JAG2: variants seen among roughly 807,000 people sequenced by gnomAD.
JAG2 encodes jagged canonical Notch ligand 2.
In JAG2, 46 loss-of-function variants were observed where a neutral mutation model predicts 141.7. The observed-to-expected ratio is 0.32, with a 90% confidence interval of 0.26 to 0.42. The LOEUF (loss-of-function observed/expected upper bound fraction) is 0.42. Ranked by LOEUF, JAG2 falls within the 10% of genes least tolerant of loss-of-function variation. The probability of loss-of-function intolerance (pLI) is 1.00; values close to 1 mark genes in which losing one functional copy is unlikely to be tolerated. For synonymous variants in JAG2, 862 were observed against 763.5 expected (o/e 1.13, Z -2.13); for missense variants, 1,500 against 1,817.5 (o/e 0.83, Z 3.18).
rs587692893 is a variant in JAG2 at position 105,147,602 on chromosome 14, G to A, written c.2366-75C>T. ...TGCCAGGCACTGTCCAGGCTGGCTT[G>A]GCGTGATCAGGCTGTGGGGCTGGGG... On this transcript the variant is annotated intron_variant, in intron 18 of 25. Transcript: ENST00000331782. 2.1e-5 allele frequency: 30 copies of A among 1,462,550 alleles called. No homozygotes were observed. The South Asian group carries it at 3.2e-4, about 16-fold the overall frequency. The allele number at this position is 1,462,550 out of a possible 1,614,324, so 90.6% of individuals were successfully genotyped here. A position where few individuals can be genotyped will look rare whatever the true frequency, so the allele number is the denominator to read the frequency against.
chr14:105,151,209 C>A, intron 9 of JAG2, 74 bp downstream of exon 9: 1 of 1,466,022 alleles, frequency 6.8e-7, no homozygotes, highest in African/African-American at 1.5e-5. Flanking sequence ...GCCCCAGCAG[C>A]CCCCGCAGCC....
rs1888953696 is a variant in JAG2 at position 105,167,494 on chromosome 14, C to A, written c.417+263G>T. On this transcript the variant is annotated intron_variant, in intron 2 of 25. Coordinates refer to ENST00000331782, the MANE Select transcript of JAG2 (RefSeq NM_002226.5). This position sits in a 1 kb window ranked among gnomAD's most constrained non-coding sequence, Gnocchi z 4.8. ...ACGCGCAGGGCGACGCAGGCACACGCCGCACACCGCCGCGCACGCGGGACG... is the reference window on the plus strand; with the variant it reads ...ACGCGCAGGGCGACGCAGGCACACGACGCACACCGCCGCGCACGCGGGACG... Among the ~76,000 whole-genome samples the A allele has an allele frequency of 6.7e-6, 1 of 150,148 alleles. No individual in the cohort carries two copies. Among genetic ancestry groups the A allele is most frequent in the Non-Finnish European group, 1.5e-5 (1 of 67,360 alleles).
In JAG2 at chr14:105,143,774, C is replaced by T. The variant is rs920846796; in HGVS notation, c.3085-136G>A. On this transcript the variant is annotated intron_variant, in intron 24 of 25. Coordinates refer to ENST00000331782, the MANE Select transcript of JAG2 (RefSeq NM_002226.5). ...ACGAGAGCCCGGGGTCCTGCAGTGGCGACTTCACCACCAGGCAGTGAGTGG... is the reference window on the plus strand; with the variant it reads ...ACGAGAGCCCGGGGTCCTGCAGTGGTGACTTCACCACCAGGCAGTGAGTGG... 14 of 992,820 alleles carry T rather than the reference C, an allele frequency of 1.4e-5. No individual in the cohort carries two copies. In the African/African-American group the frequency reaches 1.4e-4, roughly 10 times the overall value. The allele number at this position is 992,820 out of a possible 1,614,324, so 61.5% of individuals were successfully genotyped here.
intron 24 of JAG2, among the ~76,000 whole-genome samples, chr14:105,144,369 C>T (rs587723072): frequency 3.3e-5 from 5 of 152,222 alleles, no homozygotes; most frequent in South Asian, 4.1e-4. Context: ...ACCCCCTCTG[C>T]GGCCTCAGGG....
intron 2 of JAG2, among the ~76,000 whole-genome samples, chr14:105,160,525 C>T (rs1056950466): frequency 3.3e-5 from 5 of 151,698 alleles, no homozygotes; most frequent in Non-Finnish European, 7.4e-5. Flanking sequence ...CTATAGCCAG[C>T]GGGGCTCGGG....
intron 2 of JAG2, among the ~76,000 whole-genome samples, chr14:105,163,454 A>C (rs1193387711): frequency 1.3e-5 from 2 of 152,132 alleles, no homozygotes; most frequent in Non-Finnish European, 2.9e-5. Context: ...AGACGGTGGC[A>C]GCCAGGGCCG....
chr14:105,168,444 G>A lies in JAG2; in HGVS notation c.-24C>T, dbSNP rs1039388653. 9 of 710,318 alleles carry A rather than the reference G, an allele frequency of 1.3e-5. No homozygotes were observed. In the African/African-American group the frequency reaches 1.6e-4, roughly 12 times the overall value. The allele number at this position is 710,318 out of a possible 1,614,324, so 44.0% of individuals were successfully genotyped here. ...ATTGCCCCCGCGACCCGCCCGCCCG[G>A]CCCCGCCGCCGCCGCCCGCGCCCGG... On this transcript the variant is annotated 5_prime_UTR_variant, in exon 1 of 26. Coordinates refer to ENST00000331782, the MANE Select transcript of JAG2 (RefSeq NM_002226.5).
At chr14:105,146,906 C>T (rs1463828538) in intron 20 of JAG2, 182 bp from the exon 21 acceptor site, 7 of 676,778 alleles carry the variant, frequency 1.0e-5, no homozygotes, top group African/African-American at 1.8e-5. Flanking sequence ...CAGCCTGACC[C>T]TGGCCCAACA....
At position 105,152,219 on chromosome 14, in the gene JAG2, A is replaced by G. The variant is rs368235598; in HGVS notation, c.861T>C (p.Cys287=). ...CACAGTTGCACTGCCAGGGCTCCAC[A>G]CAACTGCCATGCACGCAGCCGGGGT... is the stretch of plus-strand genomic sequence containing the variant. ...VPYPGCVHGS[C]VEPWQCNCET... Residue 287 remains cysteine (C), a synonymous_variant, in exon 6 of 26, where the codon TGT becomes TGC. Transcript: ENST00000331782. 7 of 1,613,564 alleles carry G rather than the reference A, an allele frequency of 4.3e-6. No individual in the cohort carries two copies. The highest frequency in any genetic ancestry group is 5.9e-6 in the Non-Finnish European group (7 of 1,179,996).
At chr14:105,155,539 A>AGACG in intron 5 of JAG2, 23 bp downstream of exon 5, 1 of 1,612,590 alleles carries the variant, frequency 6.2e-7, no homozygotes, top group Non-Finnish European at 8.5e-7. Context: ...GGGAGGGCAA[A>AGACG]GACGGGCCGG....
intron 2 of JAG2, among the ~76,000 whole-genome samples, chr14:105,158,971 C>T (rs587713743): frequency 1.4e-4 from 21 of 152,132 alleles, no homozygotes; most frequent in African/African-American, 5.1e-4. Flanking sequence ...GGTCCTCACC[C>T]GCCGCCCACC....
intron 3 of JAG2, among the ~76,000 whole-genome samples, 195 bp downstream of exon 3, chr14:105,157,511 G>C (rs587771928): frequency 6.6e-6 from 1 of 152,346 alleles, no homozygotes; most frequent in African/African-American, 2.4e-5. Flanking sequence ...GCCAGGACTG[G>C]GGAAGAGAGT....
In JAG2 at chr14:105,165,643, T is replaced by TC. The variant is rs587739712; in HGVS notation, c.417+2113dup. On this transcript the variant is annotated intron_variant, in intron 2 of 25. Transcript: ENST00000331782. Reference sequence around the variant, plus strand: ...AGAGGGCCACCCAGCCAGGCCTGGGTCAACAGCAGAGACCACAAGGTGGGA... The same window carrying TC: ...AGAGGGCCACCCAGCCAGGCCTGGGTCCAACAGCAGAGACCACAAGGTGGGA... Among the ~76,000 whole-genome samples, 31 of 151,856 alleles carry TC rather than the reference T, an allele frequency of 2.0e-4. 1 individual carries two copies. The East Asian group carries it at 5.8e-3, about 29-fold the overall frequency.
chr14:105,165,223 G>A (rs886133407), intron 2 of JAG2, among the ~76,000 whole-genome samples: 11 of 152,172 alleles, frequency 7.2e-5, no homozygotes, highest in African/African-American at 2.7e-4. Context: ...TCAGCCAGCA[G>A]GTGTCCCCTG....
At chr14:105,147,203 G>A (rs1888251224) in intron 20 of JAG2, 123 bp downstream of exon 20, 5 of 763,806 alleles carry the variant, frequency 6.5e-6, no homozygotes, top group South Asian at 3.0e-5. Context: ...AGGCTCAGAA[G>A]AGAGGCAGGA....
intron 9 of JAG2, 25 bp downstream of exon 9, chr14:105,151,258 C>T (rs1888420786): frequency 4.4e-6 from 7 of 1,599,598 alleles, no homozygotes; most frequent in Non-Finnish European, 6.0e-6. Context: ...GCCCACGTTC[C>T]CATGCACTCG....
chr14:105,144,786 G>T (rs1888172145), intron 24 of JAG2, 144 bp downstream of exon 24: 2 of 1,080,738 alleles, frequency 1.9e-6, no homozygotes, highest in East Asian at 5.2e-5. Context: ...GGCATGGACA[G>T]CGAGGGGCCG....
At chr14:105,147,728 G>T in intron 18 of JAG2, 44 bp downstream of exon 18, 2 of 1,371,026 alleles carry the variant, frequency 1.5e-6, no homozygotes, top group Non-Finnish European at 2.0e-6. Context: ...GATGTCATCT[G>T]GGTGGAGGAA....
chr14:105,155,449 T>A (rs1566766147), intron 5 of JAG2, 113 bp downstream of exon 5: 1 of 1,198,722 alleles, frequency 8.3e-7, no homozygotes, highest in Non-Finnish European at 1.2e-6. Flanking sequence ...CTCACAGCTG[T>A]GTGCCCAACC....
Sources: allele counts gnomAD v4.1 joint callset (sites outside exome capture counted in the v4.1 genomes callset), GRCh38; gene constraint gnomAD v4.1.1; non-coding constraint Gnocchi (gnomAD v3.1); transcripts MANE v1.5; gene names NCBI Gene and HGNC (gene_info 2026-07-23, HGNC 2026-07-21).